The following PLAA variants were observed in gnomAD, a reference collection of about 807,000 sequenced individuals.
PLAA encodes phospholipase A2 activating protein.
In PLAA, 48 loss-of-function variants were observed where a neutral mutation model predicts 84.1. The ratio of observed to expected loss-of-function variants is 0.57; its 90% confidence interval spans 0.45 to 0.73. The LOEUF is 0.73. Among genes scored for constraint, PLAA ranks in the 30% least tolerant of loss-of-function variants. The pLI is 0.00. For missense variants in PLAA, 903 were observed against 954.7 expected (o/e 0.95, Z 0.71); for synonymous variants, 392 against 336.6 (o/e 1.16, Z -1.80).
chr9:26,924,279 T>C (rs552978680), intron 6 of PLAA, among the ~76,000 whole-genome samples: 63 of 152,112 alleles, frequency 4.1e-4, no homozygotes, highest in African/African-American at 1.3e-3. Context: ...TACAAATGCA[T>C]GCCACCATGC....
rs1368126452 is a variant in PLAA, at chr9:26,910,418, G to C, written c.1577C>G (p.Ala526Gly). 1.2e-6 allele frequency: 2 copies of C among 1,612,686 alleles called. No homozygotes were observed. Among genetic ancestry groups the C allele is most frequent in the Non-Finnish European group, 1.7e-6 (2 of 1,179,010 alleles). The change falls in exon 12 of 14, where the codon GCT (alanine) becomes GGT (glycine). Residue 526 changes from alanine to glycine, a missense_variant. Transcript: ENST00000397292. Reference sequence around the variant, plus strand: ...ATAAATATTCATTGTTTTAGATGCAGCTGATCGGTAGGCACTATTCCCTAT... The same window carrying C: ...ATAAATATTCATTGTTTTAGATGCACCTGATCGGTAGGCACTATTCCCTAT... ...PFTGNSAYRS[A>G]ASKTMNIYFP...
intron 4 of PLAA, among the ~76,000 whole-genome samples, chr9:26,927,140 A>AGATGGAG (rs1824999815): frequency 1.3e-5 from 1 of 77,666 alleles, no homozygotes; most frequent in Non-Finnish European, 2.3e-5. Context: ...TTTTTTTTTG[A>AGATGGAG]GATGGAGTCT....
chr9:26,920,084 CAG>C (rs1824708907), intron 8 of PLAA, 141 bp downstream of exon 8: 2 of 613,678 alleles, frequency 3.3e-6, no homozygotes, highest in East Asian at 5.5e-5. Context: ...TATTTCAAGA[CAG>C]GGAAAAAAAA....
intron 2 of PLAA, among the ~76,000 whole-genome samples, chr9:26,929,642 T>C (rs557458340): frequency 6.6e-6 from 1 of 152,354 alleles, no homozygotes; most frequent in Non-Finnish European, 1.5e-5. Context: ...AGACAGCTAC[T>C]TATTTGGATT....
intron 10 of PLAA, among the ~76,000 whole-genome samples, chr9:26,916,894 T>C (rs1168962079): frequency 6.6e-6 from 1 of 150,508 alleles, no homozygotes; most frequent in African/African-American, 2.5e-5. Context: ...TAATATGCTA[T>C]TTAAAAGTCA....
rs776412260 is a variant in PLAA at position 26,920,410 on chromosome 9, A to G, written c.1040-26T>C. On this transcript the variant is annotated intron_variant, in intron 7 of 13. Transcript: ENST00000397292. ...CTTAAAATAAAAATTTTAAGAATCA[A>G]AGGTAGAATGGCAATGTAAAATTGA... is the stretch of plus-strand genomic sequence containing the variant. 2.7e-6 allele frequency: 4 copies of G among 1,499,844 alleles called. No individual in the cohort carries two copies. The East Asian group carries it at 9.1e-5, about 34-fold the overall frequency. 92.9% of individuals were successfully genotyped at this position (1,499,844 alleles called of 1,614,324 possible).
chr9:26,910,497 T>C, intron 11 of PLAA, 58 bp from the exon 12 acceptor site: 1 of 1,309,538 alleles, frequency 7.6e-7, no homozygotes, highest in Non-Finnish European at 1.1e-6. Context: ...ATGAGATTTT[T>C]CTAACTATAT....
chr9:26,943,950 T>C (rs546104089), intron 1 of PLAA, among the ~76,000 whole-genome samples: 1 of 152,014 alleles, frequency 6.6e-6, no homozygotes, highest in South Asian at 2.1e-4. Context: ...CAAGACCCTG[T>C]GTCAAAAAAA....
chr9:26,935,765 A>G (rs1312370596), intron 1 of PLAA, among the ~76,000 whole-genome samples: 2 of 152,050 alleles, frequency 1.3e-5, no homozygotes, highest in African/African-American at 2.4e-5. Context: ...CATAAAATAT[A>G]CTAACACTAA....
At position 26,923,290 on chromosome 9, in the gene PLAA, T is replaced by G. The variant is rs747161037; in HGVS notation, c.927A>C (p.Glu309Asp). 1.9e-6 allele frequency: 3 copies of G among 1,613,854 alleles called. No individual in the cohort carries two copies. The African/African-American group carries it at 4.0e-5, about 22-fold the overall frequency. Residue 309 changes from glutamate to aspartate, a missense_variant, in exon 7 of 14, where the codon GAA becomes GAC. Transcript: ENST00000397292. ...ESEDRTASAE[E>D]IKAFEKELSH... ...ACAGTTCTTTTTCAAAAGCCTTGAT[T>G]TCTTCAGCACTTGCTGTTCGATCTT...
intron 12 of PLAA, 23 bp downstream of exon 12, chr9:26,910,315 A>T: frequency 7.1e-6 from 11 of 1,538,752 alleles, no homozygotes; most frequent in Non-Finnish European, 9.0e-6. Flanking sequence ...GAATATGTGA[A>T]TAAATTAATT....
At chr9:26,919,243 GAAAACATCA>G in intron 9 of PLAA, 58 bp downstream of exon 9, 2 of 977,002 alleles carry the variant, frequency 2.0e-6, no homozygotes, top group Non-Finnish European at 3.1e-6. Context: ...ATGACTATTT[GAAAACATCA>G]AAAAAATCAA....
Position 26,923,362 on chromosome 9 carries a change from A to C in PLAA, c.870-15T>G, listed in dbSNP as rs753208493. On this transcript the variant is annotated splice_polypyrimidine_tract_variant and intron_variant, in intron 6 of 13. Transcript: ENST00000397292. ...TAATGCCATCACTGTAAGGAAAAAT[A>C]AACTGATTTTAGAAGTCATTGCCAT... The C allele has an allele frequency of 8.9e-6, 14 of 1,579,964 alleles. No individual in the cohort carries two copies. The highest frequency in any genetic ancestry group is 3.4e-5 in the South Asian group (3 of 88,364).
intron 12 of PLAA, among the ~76,000 whole-genome samples, chr9:26,909,816 G>C (rs1824344795): frequency 6.6e-6 from 1 of 152,006 alleles, no homozygotes; most frequent in Non-Finnish European, 1.5e-5. Flanking sequence ...TAGAAACGGG[G>C]TTTCACCATG....
At chr9:26,943,508 A>C (rs531953232) in intron 1 of PLAA, among the ~76,000 whole-genome samples, 34 of 152,334 alleles carry the variant, frequency 2.2e-4, no homozygotes, top group African/African-American at 6.0e-4. Context: ...GCAATTCAGT[A>C]ATGAACAAAG....
chr9:26,923,835 C>T (rs887421413), intron 6 of PLAA, among the ~76,000 whole-genome samples: 14 of 152,082 alleles, frequency 9.2e-5, no homozygotes, highest in African/African-American at 3.4e-4. Context: ...ATTAGATGGC[C>T]GTCCTTAACC....
At chr9:26,906,491 G>A (rs1298049934) in intron 13 of PLAA, among the ~76,000 whole-genome samples, 2 of 135,200 alleles carry the variant, frequency 1.5e-5, no homozygotes, top group Non-Finnish European at 3.0e-5. Context: ...GCAATGGCAT[G>A]ATCTCGGCTC....
At position 26,907,574 on chromosome 9, in the gene PLAA, AAAAC is replaced by A. The variant is rs547905426; in HGVS notation, c.1822+256_1822+259del. The A allele has an allele frequency of 5.0e-5, 19 of 376,602 alleles. No individual in the cohort carries two copies. The East Asian group carries it at 5.1e-4, about 10-fold the overall frequency. The allele number at this position is 376,602 out of a possible 1,614,324, so 23.3% of individuals were successfully genotyped here. ...AACAAAACAAAACAAAAAAACAAAG[AAAAC>A]AAACAACAACAACAAAAAAACAAAC... On this transcript the variant is annotated intron_variant, in intron 13 of 13. Coordinates refer to ENST00000397292, the MANE Select transcript of PLAA (RefSeq NM_001031689.3).
rs1825235661 is a variant in PLAA at position 26,933,019 on chromosome 9, C to CA, written c.343+1993dup. Among the ~76,000 whole-genome samples the CA allele has an allele frequency of 2.0e-5, 3 of 152,200 alleles. No individual in the cohort carries two copies. In the South Asian group the frequency reaches 6.2e-4, roughly 32 times the overall value. On this transcript the variant is annotated intron_variant, in intron 2 of 13. Coordinates refer to ENST00000397292, the MANE Select transcript of PLAA (RefSeq NM_001031689.3). ...GCACGGTGGCTCAGGCCTGTAATCC[C>CA]AGCACTTTGGGAAGTCAAGTTGGGC...
Sources: allele counts gnomAD v4.1 joint callset (sites outside exome capture counted in the v4.1 genomes callset), GRCh38; gene constraint gnomAD v4.1.1; transcripts MANE v1.5; gene names NCBI Gene and HGNC (gene_info 2026-07-23, HGNC 2026-07-21).